The following NRP1 variants were observed in gnomAD, a reference collection of about 807,000 sequenced individuals.
NRP1 encodes the protein neuropilin-1.
Under a neutral mutation model 106.7 loss-of-function variants are expected in NRP1, and 35 were observed. The observed-to-expected ratio is 0.33, with a 90% CI of 0.25 to 0.43. The LOEUF (loss-of-function observed/expected upper bound fraction) is 0.43, where lower values mean the gene tolerates loss of function less well. Ranked by LOEUF, NRP1 falls within the 20% of genes least tolerant of loss-of-function variation. NRP1 has a pLI of 1.00. For synonymous variants in NRP1, 437 were observed against 417.9 expected, an observed-to-expected ratio of 1.05 and a Z score of -0.56; for missense variants, 1,024 against 1,170.4, an observed-to-expected ratio of 0.87 and a Z score of 1.83.
chr10:33,177,781 C>A lies in NRP1; in HGVS notation c.*2295G>T, dbSNP rs552929638. On this transcript the variant is annotated 3_prime_UTR_variant, in exon 17 of 17. Coordinates refer to ENST00000374867, the MANE Select transcript of NRP1 (RefSeq NM_003873.7). ...CCAGTAAAATGAAAACATTTTACTA[C>A]AGAAAGTTTTATAGATTTCCATAAA... 1.3e-4 allele frequency: 20 copies of A among 152,644 alleles called. No homozygotes were observed. The highest frequency in any genetic ancestry group is 2.1e-4 in the South Asian group (1 of 4,822). 9.5% of individuals were successfully genotyped at this position (152,644 alleles called of 1,614,324 possible). A position where few individuals can be genotyped will look rare whatever the true frequency, so the allele number is the denominator to read the frequency against.
intron 13 of NRP1, among the ~76,000 whole-genome samples, chr10:33,187,092 C>T (rs1836061286): frequency 6.6e-6 from 1 of 152,040 alleles, no homozygotes; most frequent in Non-Finnish European, 1.5e-5. Flanking sequence ...AGGCTAGTCT[C>T]AAACTCCTGG....
In NRP1 at chr10:33,178,361, T is replaced by C. The variant is rs1373246660; in HGVS notation, c.*1715A>G. The C allele has an allele frequency of 1.3e-5, 2 of 152,264 alleles. No individual in the cohort carries two copies. The highest frequency in any genetic ancestry group is 4.8e-5 in the African/African-American group (2 of 41,470). 9.4% of individuals were successfully genotyped at this position (152,264 alleles called of 1,614,324 possible). ...TAAGATATTTGCTTCCCTGTGCTGT[T>C]AGAGGCTTAGATGTTGCCAGCCCTA... On this transcript the variant is annotated 3_prime_UTR_variant, in exon 17 of 17. Transcript: ENST00000374867.
intron 2 of NRP1, among the ~76,000 whole-genome samples, chr10:33,324,105 T>G (rs1053170388): frequency 6.6e-6 from 1 of 152,186 alleles, no homozygotes; most frequent in Admixed American, 6.5e-5. Context: ...TTCATTATGA[T>G]CAAATGTGAT....
At chr10:33,203,127 CTCTT>C in intron 10 of NRP1, 132 bp from the exon 11 acceptor site, 1 of 811,276 alleles carries the variant, frequency 1.2e-6, no homozygotes, top group East Asian at 2.6e-5. Context: ...TGGTTTGCCT[CTCTT>C]TCAGGAGCTA....
At chr10:33,321,567 A>C (rs772233719) in intron 2 of NRP1, among the ~76,000 whole-genome samples, 6 of 152,088 alleles carry the variant, frequency 3.9e-5, no homozygotes, top group Non-Finnish European at 5.9e-5. Flanking sequence ...TTTTTCTTTA[A>C]ATGTAAGAAT....
rs768370884 is a variant in NRP1 at position 33,254,124 on chromosome 10, G to A, written c.885C>T (p.Ser295=). The A allele has an allele frequency of 1.9e-6, 3 of 1,614,010 alleles. No individual in the cohort carries two copies. The highest frequency in any genetic ancestry group is 2.5e-6 in the Non-Finnish European group (3 of 1,179,978). The part of the protein sequence containing the change: ...EIHSDQITAS[S]QYSTNWSAER... ...CTGCAGACCAGTTGGTGCTATACTG[G>A]GAAGAAGCTGTGATCTGGTCAGAAT... Residue 295 remains serine (S), a synonymous_variant, in exon 6 of 17, where the codon TCC becomes TCT. Transcript: ENST00000374867.
chr10:33,237,487 G>GCGCACA (rs1554788780), intron 6 of NRP1, among the ~76,000 whole-genome samples: 9 of 144,852 alleles, frequency 6.2e-5, no homozygotes, highest in African/African-American at 2.3e-4. Flanking sequence ...ACATGCGCGC[G>GCGCACA]CACACACACA....
chr10:33,263,049 T>G (rs945115552), intron 4 of NRP1, among the ~76,000 whole-genome samples: 3 of 152,198 alleles, frequency 2.0e-5, no homozygotes, highest in Non-Finnish European at 2.9e-5. Context: ...TGACTATAAA[T>G]GATGTATTGA....
intron 16 of NRP1, among the ~76,000 whole-genome samples, chr10:33,181,700 A>G (rs1835697001): frequency 1.3e-5 from 2 of 152,262 alleles, no homozygotes; most frequent in Non-Finnish European, 2.9e-5. Flanking sequence ...ATCAGGCTAA[A>G]GTGTGAGGCT....
rs1837908721 is a variant in NRP1 at position 33,207,713 on chromosome 10, A to C, written c.1618T>G (p.Phe540Val). Residue 540 changes from phenylalanine (F) to valine (V), a missense_variant, in exon 10 of 17, where the codon TTT becomes GTT. Physicochemically the swap from Phe to Val is conservative, Grantham distance 50. Coordinates refer to ENST00000374867, the MANE Select transcript of NRP1 (RefSeq NM_003873.7). ...MDDSKRKAKSFEGNNNYDTPE... is the reference protein window; with the variant it reads ...MDDSKRKAKSVEGNNNYDTPE... Reference sequence around the variant, plus strand: ...GTATCATAGTTGTTGTTGCCCTCAAAAGACTGTGAAGCATGGAAAACACAG... The same window carrying C: ...GTATCATAGTTGTTGTTGCCCTCAACAGACTGTGAAGCATGGAAAACACAG... The C allele has an allele frequency of 6.2e-7, 1 of 1,613,548 alleles. No homozygotes were observed. The highest frequency in any genetic ancestry group is 1.7e-5 in the Admixed American group (1 of 59,922).
intron 6 of NRP1, among the ~76,000 whole-genome samples, chr10:33,251,374 C>A (rs538210252): frequency 6.6e-6 from 1 of 152,106 alleles, no homozygotes; most frequent in South Asian, 2.1e-4. Context: ...TTGGGTAGTT[C>A]TTTATAGCGG....
intron 11 of NRP1, 187 bp downstream of exon 11, chr10:33,202,704 A>G (rs1837434587): frequency 6.4e-7 from 1 of 1,551,596 alleles, no homozygotes; most frequent in African/African-American, 1.4e-5. Context: ...GGTTGTGGCT[A>G]TTAAGAACAA....
intron 2 of NRP1, among the ~76,000 whole-genome samples, chr10:33,308,323 C>G (rs1846316167): frequency 6.6e-6 from 1 of 150,736 alleles, no homozygotes. Flanking sequence ...ATGCAATTTA[C>G]CAATATAACA....
chr10:33,246,528 C>T (rs1841436824), intron 6 of NRP1, among the ~76,000 whole-genome samples: 1 of 151,876 alleles, frequency 6.6e-6, no homozygotes, highest in Non-Finnish European at 1.5e-5. Flanking sequence ...AGCAAATTGT[C>T]TTCCTTCCAG....
chr10:33,203,110 A>G, intron 10 of NRP1, 115 bp from the exon 11 acceptor site: 1 of 1,011,512 alleles, frequency 9.9e-7, no homozygotes, highest in Non-Finnish European at 1.4e-6. Context: ...TAAGAAGACC[A>G]GGGGCATGGT....
At chr10:33,193,220 G>A (rs1016389620) in intron 12 of NRP1, among the ~76,000 whole-genome samples, 65 of 152,158 alleles carry the variant, frequency 4.3e-4, no homozygotes, top group African/African-American at 1.5e-3. Flanking sequence ...CTTGCCTTGT[G>A]TGTGCCCTAC....
intron 12 of NRP1, among the ~76,000 whole-genome samples, chr10:33,196,331 T>C (rs1040476465): frequency 6.6e-6 from 1 of 152,186 alleles, no homozygotes; most frequent in Admixed American, 6.5e-5. Flanking sequence ...ACTTCATTTG[T>C]TCACCTCACC....
chr10:33,295,074 C>G (rs1845290727), intron 2 of NRP1, among the ~76,000 whole-genome samples: 1 of 152,138 alleles, frequency 6.6e-6, no homozygotes, highest in Admixed American at 6.5e-5. Context: ...GGCAGTTATA[C>G]CCATTGTGGA....
intron 2 of NRP1, among the ~76,000 whole-genome samples, chr10:33,310,126 T>A (rs1454133036): frequency 1.3e-5 from 2 of 151,878 alleles, no homozygotes; most frequent in African/African-American, 4.8e-5. Context: ...TTTTTTTGTA[T>A]TTTTAGTAGA....
Sources: allele counts gnomAD v4.1 joint callset (sites outside exome capture counted in the v4.1 genomes callset), GRCh38; gene constraint gnomAD v4.1.1; transcripts MANE v1.5; gene names NCBI Gene and HGNC (gene_info 2026-07-23, HGNC 2026-07-21).